Variants in TRIM29 observed in about 807,000 individuals in gnomAD.
TRIM29 encodes the protein tripartite motif containing 29, also known as tripartite motif-containing protein 29.
A neutral mutation model predicts 57.3 loss-of-function variants in TRIM29; 52 were observed. The observed-to-expected ratio is 0.91, with a 90% CI of 0.73 to 1.14. The LOEUF (loss-of-function observed/expected upper bound fraction) is 1.14, where lower values mean the gene tolerates loss of function less well. Among genes scored for constraint, TRIM29 ranks in the 50% most tolerant of loss-of-function variants. The pLI is 0.00. For synonymous variants in TRIM29, 319 were observed against 316.9 expected (o/e 1.01, Z -0.07); for missense variants, 753 against 774.6 (o/e 0.97, Z 0.33).
chr11:120,125,218 G>A, intron 4 of TRIM29: 1 of 188,906 alleles, frequency 5.3e-6, no homozygotes, highest in East Asian at 1.3e-4. Context: ...TCTGGGCTCA[G>A]CACTGCTCAG....
chr11:120,114,417 ACCCCAG>A (rs945539381), intron 8 of TRIM29, among the ~76,000 whole-genome samples: 10 of 151,806 alleles, frequency 6.6e-5, no homozygotes, highest in African/African-American at 2.4e-4. Context: ...AATTAAACCA[ACCCCAG>A]CCATTCTTTG....
chr11:120,122,760 C>A (rs181188389), intron 5 of TRIM29, among the ~76,000 whole-genome samples, 194 bp downstream of exon 5: 1 of 152,286 alleles, frequency 6.6e-6, no homozygotes, highest in Admixed American at 6.5e-5. Flanking sequence ...CGAACCAGGA[C>A]ACTTCTGAGA....
chr11:120,129,633 A>G (rs1032077269), intron 1 of TRIM29, among the ~76,000 whole-genome samples: 2 of 151,608 alleles, frequency 1.3e-5, no homozygotes, highest in African/African-American at 4.8e-5. Context: ...CATGCGGCAC[A>G]CCTTCTGAAC....
In TRIM29 at chr11:120,125,755, G is replaced by A. The variant is rs766117885; in HGVS notation, c.1269C>T (p.His423=). ...GGTCCGCCTTGCACATCTTCTCAAC[G>A]TGGCGCATGCATACATTGAGCAGGT... ...KDDLLNVCMR[H]VEKMCKADLS... The change falls in exon 4 of 9, where the codon CAC becomes CAT. Residue 423 remains histidine, a synonymous_variant. Coordinates refer to ENST00000341846, the MANE Select transcript of TRIM29 (RefSeq NM_012101.4). 3.5e-5 allele frequency: 56 copies of A among 1,614,074 alleles called. No homozygotes were observed. Among genetic ancestry groups the A allele is most frequent in the Non-Finnish European group, 4.3e-5 (51 of 1,180,048 alleles).
chr11:120,136,560 C>G (rs1315896511), intron 1 of TRIM29, among the ~76,000 whole-genome samples: 2 of 152,170 alleles, frequency 1.3e-5, no homozygotes, highest in African/African-American at 4.8e-5. Context: ...ACGCAAAACA[C>G]AGGGCCCAGC....
chr11:120,128,248 G>T, intron 2 of TRIM29, 152 bp downstream of exon 2: 2 of 640,354 alleles, frequency 3.1e-6, no homozygotes, highest in Non-Finnish European at 5.4e-6. Flanking sequence ...AAGGGGAGTT[G>T]GTGAGAATGT....
chr11:120,122,829 C>A, intron 5 of TRIM29, 125 bp downstream of exon 5: 1 of 726,296 alleles, frequency 1.4e-6, no homozygotes, highest in East Asian at 2.5e-5. Flanking sequence ...AGGACTTTCC[C>A]AGGCAAACTG....
At chr11:120,116,478 C>G (rs554331911) in intron 7 of TRIM29, 1 of 152,544 alleles carries the variant, frequency 6.6e-6, no homozygotes, top group African/African-American at 2.4e-5. Flanking sequence ...CTGCTCTAAG[C>G]GAGGATGAGC....
chr11:120,123,322 T>C (rs376172452), intron 4 of TRIM29: 2 of 644,862 alleles, frequency 3.1e-6, no homozygotes. Context: ...CAACACTTCC[T>C]AGCACTTCAC....
chr11:120,122,837 C>T, intron 5 of TRIM29, 117 bp downstream of exon 5: 1 of 764,462 alleles, frequency 1.3e-6, no homozygotes, highest in Admixed American at 2.2e-5. Context: ...CCCAGGCAAA[C>T]TGGACATGCC....
chr11:120,135,093 G>A (rs561423747), intron 1 of TRIM29, among the ~76,000 whole-genome samples: 2 of 152,142 alleles, frequency 1.3e-5, no homozygotes, highest in Non-Finnish European at 2.9e-5. Flanking sequence ...CTGAGCTCCT[G>A]GCACATCCAC....
intron 6 of TRIM29, among the ~76,000 whole-genome samples, chr11:120,120,173 G>C (rs566957128): frequency 1.8e-4 from 21 of 118,554 alleles, no homozygotes; most frequent in Admixed American, 3.2e-4. Flanking sequence ...TCATACTTGT[G>C]GGGGGGGTGG....
Position 120,115,419 on chromosome 11 carries a change from G to A in TRIM29, c.1628-5C>T. On this transcript the variant is annotated splice_region_variant and splice_polypyrimidine_tract_variant and intron_variant, in intron 7 of 8. Transcript: ENST00000341846. ...TCCGCATGAGGGAGGGATAGCCTGGGAAGACAAGAGATTCAGGTCAAAGGG... is the reference window on the plus strand; with the variant it reads ...TCCGCATGAGGGAGGGATAGCCTGGAAAGACAAGAGATTCAGGTCAAAGGG... The A allele has an allele frequency of 6.2e-7, 1 of 1,613,052 alleles. No homozygotes were observed. The highest frequency in any genetic ancestry group is 8.5e-7 in the Non-Finnish European group (1 of 1,179,550).
chr11:120,137,354 G>A lies in TRIM29; in HGVS notation c.678C>T (p.Pro226=). 1.2e-6 allele frequency: 2 copies of A among 1,613,922 alleles called. No homozygotes were observed. The highest frequency in any genetic ancestry group is 1.7e-6 in the Non-Finnish European group (2 of 1,180,018). ...PIRDFEARKC[P]VHGKTMELFC... is the part of the protein sequence containing the mutation. ...AGAGCTCCATCGTCTTGCCATGCAC[G>A]GGACACTTGCGGGCCTCAAAGTCCC... Residue 226 remains proline, a synonymous_variant, in exon 1 of 9, where the codon CCC becomes CCT. Coordinates refer to ENST00000341846, the MANE Select transcript of TRIM29 (RefSeq NM_012101.4). This position sits in a 1 kb window ranked among gnomAD's most constrained non-coding sequence, Gnocchi z 6.2.
At chr11:120,130,868 G>A (rs1016061683) in intron 1 of TRIM29, among the ~76,000 whole-genome samples, 9 of 152,170 alleles carry the variant, frequency 5.9e-5, no homozygotes, top group African/African-American at 2.2e-4. Flanking sequence ...TGAGGGGTTG[G>A]TGGTGTTCAG....
chr11:120,122,654 G>C (rs933473723), intron 5 of TRIM29, among the ~76,000 whole-genome samples: 3 of 152,208 alleles, frequency 2.0e-5, no homozygotes, highest in African/African-American at 7.2e-5. Flanking sequence ...GCAGAGGTGT[G>C]GGCTGGAAGT....
At position 120,131,236 on chromosome 11, in the gene TRIM29, T is replaced by C. The variant is rs114390090; in HGVS notation, c.805-2741A>G. Among the ~76,000 whole-genome samples the C allele has an allele frequency of 4.5e-3, 681 of 152,140 alleles. 3 individuals are homozygous for C. Among genetic ancestry groups the C allele is most frequent in the African/African-American group, 0.015 (610 of 41,512 alleles). On this transcript the variant is annotated intron_variant, in intron 1 of 8. Coordinates refer to ENST00000341846, the MANE Select transcript of TRIM29 (RefSeq NM_012101.4). Reference sequence around the variant, plus strand: ...AAAGGTCTCCCCAGGTGAGCGTGGATTCATTGGCCAAGACAGACGAAGGAG... The same window carrying C: ...AAAGGTCTCCCCAGGTGAGCGTGGACTCATTGGCCAAGACAGACGAAGGAG...
chr11:120,127,612 T>C (rs1049266937), intron 2 of TRIM29, 43 bp from the exon 3 acceptor site: 1 of 1,571,104 alleles, frequency 6.4e-7, no homozygotes, highest in Non-Finnish European at 8.7e-7. Flanking sequence ...AGGGCTTTAG[T>C]TAGGGAAAGA....
rs1454989733 is a variant in TRIM29, at chr11:120,137,990, T to C, written c.42A>G (p.Pro14=). The change falls in exon 1 of 9, where the codon CCA becomes CCG. Residue 14 remains proline, a synonymous_variant. Transcript: ENST00000341846. This position sits in a 1 kb window ranked among gnomAD's most constrained non-coding sequence, Gnocchi z 6.2. ...ADASRSNGSS[P]EARDARSPSG... ...ACGGGCTCCGGGCATCCCTGGCTTC[T>C]GGGCTCGACCCGTTGCTCCTGGAGG... 1.6e-5 allele frequency: 25 copies of C among 1,603,296 alleles called. No homozygotes were observed. Among genetic ancestry groups the C allele is most frequent in the Non-Finnish European group, 2.0e-5 (24 of 1,179,830 alleles).
Sources: gnomAD v4.1 joint callset for allele counts (sites outside exome capture counted in the v4.1 genomes callset) on GRCh38, gnomAD v4.1.1 for gene constraint, Gnocchi (gnomAD v3.1) non-coding constraint, MANE v1.5 for transcripts, NCBI Gene and HGNC (gene_info 2026-07-23, HGNC 2026-07-21) for gene names.